Variants in FZD3 observed in about 807,000 individuals in gnomAD.
FZD3 encodes frizzled-3.
In FZD3, 30 loss-of-function variants were observed where a neutral mutation model predicts 60.7. The ratio of observed to expected loss-of-function variants is 0.49; its 90% CI spans 0.37 to 0.67. The LOEUF (loss-of-function observed/expected upper bound fraction) is 0.67, where lower values mean the gene tolerates loss of function less well. Among genes scored for constraint, FZD3 ranks in the 30% least tolerant of loss-of-function variants. The pLI, the probability that FZD3 is intolerant of heterozygous loss-of-function variation, is 0.00. For missense variants in FZD3, 605 were observed against 838.7 expected, an observed-to-expected ratio of 0.72 and a Z score of 3.44; for synonymous variants, 246 against 275.2, an observed-to-expected ratio of 0.89 and a Z score of 1.05.
chr8:28,523,051 T>TGA (rs907417173), intron 4 of FZD3, among the ~76,000 whole-genome samples: 1 of 151,950 alleles, frequency 6.6e-6, no homozygotes, highest in African/African-American at 2.4e-5. Flanking sequence ...ATTACAGGCG[T>TGA]GAGCCACCGT....
chr8:28,514,698 G>A (rs1804378752), intron 3 of FZD3, among the ~76,000 whole-genome samples: 1 of 152,172 alleles, frequency 6.6e-6, no homozygotes, highest in African/African-American at 2.4e-5. Context: ...ATTCATCTGT[G>A]TTTTGTTTTG....
At chr8:28,495,489 T>G (rs755614833) in intron 1 of FZD3, among the ~76,000 whole-genome samples, 1 of 152,156 alleles carries the variant, frequency 6.6e-6, no homozygotes, top group Admixed American at 6.5e-5. Context: ...CAATATGATA[T>G]GAGCAAGGAA....
At chr8:28,505,696 A>G (rs1314012777) in intron 3 of FZD3, among the ~76,000 whole-genome samples, 1 of 152,196 alleles carries the variant, frequency 6.6e-6, no homozygotes. Context: ...GAGTGCCTGG[A>G]ACACAATGGT....
At chr8:28,538,407 A>G (rs1442104445) in intron 5 of FZD3, among the ~76,000 whole-genome samples, 2 of 152,182 alleles carry the variant, frequency 1.3e-5, no homozygotes, top group Non-Finnish European at 2.9e-5. Context: ...TACACACATC[A>G]TCTCATTTAA....
intron 5 of FZD3, among the ~76,000 whole-genome samples, chr8:28,546,088 A>G (rs1271086683): frequency 2.0e-5 from 3 of 152,246 alleles, no homozygotes; most frequent in Admixed American, 6.5e-5. Context: ...GTAGTGGGCT[A>G]TACCATCTAG....
At chr8:28,515,759 T>C (rs943179211) in intron 3 of FZD3, among the ~76,000 whole-genome samples, 11 of 152,230 alleles carry the variant, frequency 7.2e-5, no homozygotes, top group African/African-American at 2.4e-4. Flanking sequence ...GTTTTTCTTA[T>C]CTGTTGGGAG....
chr8:28,498,322 A>AT (rs1451884409), intron 1 of FZD3, among the ~76,000 whole-genome samples: 1 of 150,330 alleles, frequency 6.7e-6, no homozygotes, highest in Non-Finnish European at 1.5e-5. Context: ...GTTTCTTATA[A>AT]TAAAAAAAAA....
chr8:28,547,371 G>A (rs1157760701), intron 5 of FZD3, among the ~76,000 whole-genome samples: 1 of 152,054 alleles, frequency 6.6e-6, no homozygotes, highest in Non-Finnish European at 1.5e-5. Flanking sequence ...TACAATACTT[G>A]AACATACATC....
intron 3 of FZD3, among the ~76,000 whole-genome samples, chr8:28,518,567 G>A (rs1804493339): frequency 6.6e-6 from 1 of 152,182 alleles, no homozygotes; most frequent in Admixed American, 6.5e-5. Flanking sequence ...TCTCTACTCT[G>A]TTCTCTTTCT....
rs1805738521 is a variant in FZD3, at chr8:28,568,179, C to G, written c.*5168C>G. 1 of 152,020 alleles carries G rather than the reference C, an allele frequency of 6.6e-6. No individual in the cohort carries two copies. Among genetic ancestry groups the G allele is most frequent in the South Asian group, 2.1e-4 (1 of 4,826 alleles). The allele number at this position is 152,020 out of a possible 1,614,324, so 9.4% of individuals were successfully genotyped here. On this transcript the variant is annotated 3_prime_UTR_variant, in exon 8 of 8. Coordinates refer to ENST00000240093, the MANE Select transcript of FZD3 (RefSeq NM_017412.4). ...TATGGAACCTAGATTTACAAAGGAA[C>G]TTGTGATTCTTTTCAATGCTTTTGT... is the stretch of plus-strand genomic sequence containing the variant.
chr8:28,545,662 G>GT (rs772822181), intron 5 of FZD3, among the ~76,000 whole-genome samples: 21 of 152,224 alleles, frequency 1.4e-4, no homozygotes, highest in Non-Finnish European at 2.4e-4. Flanking sequence ...GAGAACCCAA[G>GT]TGGGAATCAC....
chr8:28,531,230 A>AGG (rs1398871454), intron 5 of FZD3, among the ~76,000 whole-genome samples: 2 of 151,960 alleles, frequency 1.3e-5, no homozygotes, highest in Non-Finnish European at 2.9e-5. Context: ...TATCCATAAA[A>AGG]TTTGCTGTTA....
At chr8:28,525,476 G>A (rs766926689) in intron 4 of FZD3, among the ~76,000 whole-genome samples, 6 of 152,140 alleles carry the variant, frequency 3.9e-5, no homozygotes, top group African/African-American at 9.7e-5. Context: ...GGGGCAGAGC[G>A]GGCCAGGCAA....
rs77087571 is a variant in FZD3, at chr8:28,510,595, G to A, written c.189+7393G>A. ...TGATACATGAGGGTTCTTAATACCAGCAAGAGTATGAAATTCAGAGACAAA... is the reference window on the plus strand; with the variant it reads ...TGATACATGAGGGTTCTTAATACCAACAAGAGTATGAAATTCAGAGACAAA... On this transcript the variant is annotated intron_variant, in intron 3 of 7. Coordinates refer to ENST00000240093, the MANE Select transcript of FZD3 (RefSeq NM_017412.4). Among the ~76,000 whole-genome samples, 523 of 152,286 alleles carry A rather than the reference G, an allele frequency of 3.4e-3. 3 individuals are homozygous for A. The highest frequency in any genetic ancestry group is 0.012 in the African/African-American group (490 of 41,548).
At chr8:28,531,173 C>T (rs753212964) in intron 5 of FZD3, among the ~76,000 whole-genome samples, 1 of 150,548 alleles carries the variant, frequency 6.6e-6, no homozygotes, top group African/African-American at 2.4e-5. Flanking sequence ...CTCATAAATA[C>T]GGTATTTTTC....
At chr8:28,557,036 A>G (rs1015460767) in intron 7 of FZD3, among the ~76,000 whole-genome samples, 2 of 152,044 alleles carry the variant, frequency 1.3e-5, no homozygotes, top group Non-Finnish European at 2.9e-5. Context: ...CTGACCTGAA[A>G]GATATTTAGA....
chr8:28,511,638 G>A (rs1472991544), intron 3 of FZD3, among the ~76,000 whole-genome samples: 1 of 152,166 alleles, frequency 6.6e-6, no homozygotes, highest in East Asian at 1.9e-4. Flanking sequence ...GAAGGCTCTT[G>A]TAGTATCCCC....
At position 28,563,317 on chromosome 8, in the gene FZD3, G is replaced by A. The variant is rs915632698; in HGVS notation, c.*306G>A. On this transcript the variant is annotated 3_prime_UTR_variant, in exon 8 of 8. Coordinates refer to ENST00000240093, the MANE Select transcript of FZD3 (RefSeq NM_017412.4). ...TTTTATATTTAGAAAAATCCTAAAT[G>A]TGTGGTGACTGCTTTGTAGTGAACT... The A allele has an allele frequency of 3.0e-5, 10 of 337,362 alleles. No homozygotes were observed. The highest frequency in any genetic ancestry group is 1.3e-4 in the Admixed American group (3 of 23,686). The allele number at this position is 337,362 out of a possible 1,614,324, so 20.9% of individuals were successfully genotyped here. A position where few individuals can be genotyped will look rare whatever the true frequency, so the allele number is the denominator to read the frequency against.
At chr8:28,500,556 A>G (rs1803962139) in intron 2 of FZD3, among the ~76,000 whole-genome samples, 2 of 152,160 alleles carry the variant, frequency 1.3e-5, no homozygotes. Context: ...ACAGGGAGTA[A>G]TGTTCCCTTT....
Sources: allele counts gnomAD v4.1 joint callset (sites outside exome capture counted in the v4.1 genomes callset), GRCh38; gene constraint gnomAD v4.1.1; transcripts MANE v1.5; gene names NCBI Gene and HGNC (gene_info 2026-07-23, HGNC 2026-07-21).